GRID2: variants seen among roughly 807,000 people sequenced by gnomAD.
The protein encoded by GRID2 is glutamate receptor ionotropic, delta-2.
GRID2 carries 33 observed loss-of-function variants against 114.8 expected under a neutral mutation model. The ratio of observed to expected loss-of-function variants is 0.29; its 90% CI spans 0.22 to 0.38. The LOEUF (loss-of-function observed/expected upper bound fraction) is 0.38. Among genes scored for constraint, GRID2 ranks in the 10% least tolerant of loss-of-function variants. The pLI, the probability that GRID2 is intolerant of heterozygous loss-of-function variation, is 1.00. For missense variants in GRID2, 1,184 were observed against 1,257.7 expected (o/e 0.94, Z 0.89); for synonymous variants, 505 against 449.9 (o/e 1.12, Z -1.55).
intron 4 of GRID2, among the ~76,000 whole-genome samples, chr4:93,206,319 A>G (rs1017291720): frequency 1.3e-4 from 20 of 152,008 alleles, no homozygotes; most frequent in African/African-American, 1.7e-4. Flanking sequence ...TTGTGATGCA[A>G]TGCACCTCTT....
intron 13 of GRID2, among the ~76,000 whole-genome samples, chr4:93,595,070 G>T (rs949018547): frequency 6.6e-6 from 1 of 152,082 alleles, no homozygotes; most frequent in Non-Finnish European, 1.5e-5. Flanking sequence ...AGCCATCTTG[G>T]CTCCTCCCTC....
intron 2 of GRID2, among the ~76,000 whole-genome samples, chr4:92,682,024 G>A (rs940058102): frequency 6.6e-6 from 1 of 151,608 alleles, no homozygotes; most frequent in Non-Finnish European, 1.5e-5. Context: ...TCAAAGGAGA[G>A]TAAATAATTA....
chr4:93,423,713 G>T (rs1768564910), intron 10 of GRID2, among the ~76,000 whole-genome samples: 1 of 151,974 alleles, frequency 6.6e-6, no homozygotes, highest in Admixed American at 6.6e-5. Context: ...TCTCAGAAAG[G>T]TGTTTAAAAC....
rs187765538 is a variant in GRID2 at position 92,477,029 on chromosome 4, A to T, written c.89-113102A>T. 6.5e-3 allele frequency among the ~76,000 whole-genome samples: 909 copies of T among 140,506 alleles called. 17 individuals carry two copies. The highest frequency in any genetic ancestry group is 0.022 in the African/African-American group (843 of 38,550). The allele number at this position is 140,506 out of a possible 152,430, so 92.2% of individuals were successfully genotyped here. A position where few individuals can be genotyped will look rare whatever the true frequency, so the allele number is the denominator to read the frequency against. On this transcript the variant is annotated intron_variant, in intron 1 of 15. Transcript: ENST00000282020. The stretch of plus-strand genomic sequence containing the variant: ...CAAAAACAGATGGCTAAACTATTTG[A>T]TTTAACTTCATGTGTGTGTGTGTGT...
At chr4:93,648,377 A>T (rs1349787841) in intron 14 of GRID2, among the ~76,000 whole-genome samples, 1 of 152,172 alleles carries the variant, frequency 6.6e-6, no homozygotes, top group Non-Finnish European at 1.5e-5. Context: ...GCCCCTAAGG[A>T]CTGATATTAA....
intron 2 of GRID2, among the ~76,000 whole-genome samples, chr4:92,635,365 T>G (rs995520002): frequency 6.6e-6 from 1 of 152,124 alleles, no homozygotes; most frequent in African/African-American, 2.4e-5. Context: ...AACTTAGATA[T>G]ATTTGCTGTA....
chr4:92,911,290 G>A (rs1011087791), intron 2 of GRID2, among the ~76,000 whole-genome samples: 1 of 151,912 alleles, frequency 6.6e-6, no homozygotes, highest in Admixed American at 6.6e-5. Flanking sequence ...ATTTTCAAAA[G>A]GACCATACAT....
intron 1 of GRID2, among the ~76,000 whole-genome samples, chr4:92,502,705 C>CTTTTTTTTTTTTTTTT: frequency 1.6e-5 from 1 of 63,944 alleles, no homozygotes; most frequent in Non-Finnish European, 2.7e-5. Context: ...CATGTGATTT[C>CTTTTTTTTTTTTTTTT]TTTTTTTTTT....
At chr4:92,824,493 A>G (rs947060608) in intron 2 of GRID2, among the ~76,000 whole-genome samples, 2 of 152,074 alleles carry the variant, frequency 1.3e-5, no homozygotes, top group Non-Finnish European at 2.9e-5. Context: ...TTCTCAAAAG[A>G]ATAAATTAAT....
At chr4:92,618,494 C>T (rs1224986068) in intron 2 of GRID2, among the ~76,000 whole-genome samples, 2 of 151,596 alleles carry the variant, frequency 1.3e-5, no homozygotes, top group African/African-American at 4.8e-5. Context: ...CTATATAGAT[C>T]CTTTTGTGGT....
At chr4:93,575,448 G>A (rs1258256070) in intron 13 of GRID2, among the ~76,000 whole-genome samples, 2 of 152,088 alleles carry the variant, frequency 1.3e-5, no homozygotes, top group African/African-American at 2.4e-5. Context: ...AATATTTAAT[G>A]ATATATTGGA....
rs1477527428 is a variant in GRID2, at chr4:93,162,147, T to C, written c.736-45257T>C. ...TTTGAGGAAAGCCCTCCTTATTCTTTGTGAATTTTAGAAATTTGATCTCTG... is the reference window on the plus strand; with the variant it reads ...TTTGAGGAAAGCCCTCCTTATTCTTCGTGAATTTTAGAAATTTGATCTCTG... On this transcript the variant is annotated intron_variant, in intron 4 of 15. Coordinates refer to ENST00000282020, the MANE Select transcript of GRID2 (RefSeq NM_001510.4). Among the ~76,000 whole-genome samples the C allele has an allele frequency of 2.0e-5, 3 of 151,938 alleles. No homozygotes were observed. In the East Asian group the frequency reaches 5.8e-4, roughly 30 times the overall value.
chr4:93,546,541 A>T (rs1733235557), intron 13 of GRID2, among the ~76,000 whole-genome samples: 1 of 152,218 alleles, frequency 6.6e-6, no homozygotes, highest in African/African-American at 2.4e-5. Context: ...TGTACTAAAA[A>T]GTAACCTGTA....
At chr4:93,184,996 A>T (rs892656335) in intron 4 of GRID2, among the ~76,000 whole-genome samples, 2 of 152,234 alleles carry the variant, frequency 1.3e-5, no homozygotes, top group African/African-American at 4.8e-5. Context: ...GTATTCATTC[A>T]ACTTGAATAA....
intron 2 of GRID2, among the ~76,000 whole-genome samples, chr4:93,083,717 AAT>A (rs1355739670): frequency 6.6e-6 from 1 of 151,402 alleles, no homozygotes; most frequent in Non-Finnish European, 1.5e-5. Flanking sequence ...AAAAAAAAAA[AAT>A]ACATCCTTGA....
chr4:93,373,737 A>G lies in GRID2; in HGVS notation c.1246-21870A>G, dbSNP rs77932594. On this transcript the variant is annotated intron_variant, in intron 8 of 15. Transcript: ENST00000282020. The stretch of plus-strand genomic sequence containing the variant: ...TATGTGATTAATTAACTTCTCTCCT[A>G]TGCATCTTGACAGGTAGTGGCTATG... Among the ~76,000 whole-genome samples, 900 of 152,294 alleles carry G rather than the reference A, an allele frequency of 5.9e-3. 5 individuals carry two copies. The highest frequency in any genetic ancestry group is 0.021 in the African/African-American group (871 of 41,570).
intron 8 of GRID2, among the ~76,000 whole-genome samples, chr4:93,341,796 T>C (rs538287696): frequency 2.6e-4 from 40 of 152,286 alleles, no homozygotes; most frequent in African/African-American, 9.1e-4. Flanking sequence ...ACCTTGAGTT[T>C]CTCTATCATG....
intron 8 of GRID2, among the ~76,000 whole-genome samples, chr4:93,321,507 G>A (rs1323567272): frequency 1.3e-5 from 2 of 151,962 alleles, no homozygotes; most frequent in African/African-American, 4.8e-5. Flanking sequence ...AGTAGAGTTT[G>A]ATGTATTTGC....
chr4:92,786,436 T>A (rs1009150233), intron 2 of GRID2, among the ~76,000 whole-genome samples: 1 of 151,994 alleles, frequency 6.6e-6, no homozygotes, highest in East Asian at 1.9e-4. Context: ...AAGGCTTTTT[T>A]AAACTCTATA....
Sources: gnomAD v4.1 joint callset for allele counts (sites outside exome capture counted in the v4.1 genomes callset) on GRCh38, gnomAD v4.1.1 for gene constraint, MANE v1.5 for transcripts, NCBI Gene and HGNC (gene_info 2026-07-23, HGNC 2026-07-21) for gene names.